The following DPYD variants were observed in gnomAD, a reference collection of about 807,000 sequenced individuals.
DPYD encodes the protein dihydropyrimidine dehydrogenase.
In DPYD, 109 loss-of-function variants were observed where a neutral mutation model predicts 116.2. The ratio of observed to expected loss-of-function variants is 0.94; its 90% confidence interval spans 0.80 to 1.10. The LOEUF (loss-of-function observed/expected upper bound fraction) is 1.10, where lower values mean the gene tolerates loss of function less well. Ranked by LOEUF, DPYD falls within the 50% of genes least tolerant of loss-of-function variation. The pLI is 0.00. For missense variants in DPYD, 1,302 were observed against 1,254.5 expected (o/e 1.04, Z -0.57); for synonymous variants, 440 against 432.0 (o/e 1.02, Z -0.23).
At chr1:97,163,138 A>C (rs536432423) in intron 20 of DPYD, among the ~76,000 whole-genome samples, 23 of 152,134 alleles carry the variant, frequency 1.5e-4, no homozygotes, top group Admixed American at 3.9e-4. Context: ...AATGGGATCT[A>C]ATTAAACTAA....
chr1:97,631,831 T>A (rs574775358), intron 8 of DPYD, among the ~76,000 whole-genome samples: 6 of 152,106 alleles, frequency 3.9e-5, no homozygotes, highest in Admixed American at 3.3e-4. Flanking sequence ...AGAGAAACCA[T>A]AACATTAAAC....
chr1:97,475,798 A>G (rs948164758), intron 13 of DPYD, among the ~76,000 whole-genome samples: 4 of 152,174 alleles, frequency 2.6e-5, no homozygotes, highest in South Asian at 2.1e-4. Context: ...CAGAGATGTG[A>G]AAGACTTGAC....
chr1:97,110,590 T>A (rs72965828), intron 20 of DPYD, among the ~76,000 whole-genome samples: 8,484 of 152,212 alleles, frequency 0.056, 578 homozygotes, highest in African/African-American at 0.17. Context: ...AACAAAACAA[T>A]TTCTGTGACC....
intron 18 of DPYD, among the ~76,000 whole-genome samples, chr1:97,298,790 G>T (rs1253222378): frequency 6.6e-6 from 1 of 151,958 alleles, no homozygotes; most frequent in East Asian, 1.9e-4. Flanking sequence ...TCACTGTTTG[G>T]TCTTCTCCCC....
rs1388466513 is a variant in DPYD at position 97,134,010 on chromosome 1, AAAAAATATATATATATATATAT to A, written c.2623-35400_2623-35379del. ...CCAGACTCTGTTTCAAAAAAAAAAAAAAAAATATATATATATATATATATATATATATATATATATATATATA... is the reference window on the plus strand; with the variant it reads ...CCAGACTCTGTTTCAAAAAAAAAAAAATATATATATATATATATATATATA... On this transcript the variant is annotated intron_variant, in intron 20 of 22. Coordinates refer to ENST00000370192, the MANE Select transcript of DPYD (RefSeq NM_000110.4). Among the ~76,000 whole-genome samples the A allele has an allele frequency of 1.4e-3, 53 of 36,956 alleles. 5 individuals carry two copies. The highest frequency in any genetic ancestry group is 2.0e-3 in the Non-Finnish European group (44 of 21,804). The allele number at this position is 36,956 out of a possible 152,430, so 24.2% of individuals were successfully genotyped here. A position where few individuals can be genotyped will look rare whatever the true frequency, so the allele number is the denominator to read the frequency against.
intron 19 of DPYD, among the ~76,000 whole-genome samples, chr1:97,195,719 T>C (rs1658759965): frequency 7.9e-6 from 1 of 126,504 alleles, no homozygotes; most frequent in South Asian, 2.6e-4. Flanking sequence ...GCAGTGGTAG[T>C]GATTCCATGA....
chr1:97,409,929 T>A (rs1026314270), intron 14 of DPYD, among the ~76,000 whole-genome samples: 4 of 151,950 alleles, frequency 2.6e-5, no homozygotes, highest in African/African-American at 9.7e-5. Flanking sequence ...AATACAAAAA[T>A]TAGCTGGGTA....
chr1:97,185,033 TCC>T (rs1657899663), intron 20 of DPYD, among the ~76,000 whole-genome samples: 1 of 152,182 alleles, frequency 6.6e-6, no homozygotes, highest in African/African-American at 2.4e-5. Context: ...TGTAGACGTT[TCC>T]TTCTATTAAT....
intron 16 of DPYD, among the ~76,000 whole-genome samples, chr1:97,352,504 C>T (rs897987691): frequency 6.6e-6 from 1 of 151,188 alleles, no homozygotes; most frequent in African/African-American, 2.4e-5. Context: ...AAAAATTTGT[C>T]ACTTTGGAAA....
At chr1:97,449,147 A>C (rs1342115763) in intron 14 of DPYD, among the ~76,000 whole-genome samples, 1 of 152,124 alleles carries the variant, frequency 6.6e-6, no homozygotes, top group Non-Finnish European at 1.5e-5. Flanking sequence ...AACATCCACC[A>C]ATTTCAATAG....
intron 21 of DPYD, among the ~76,000 whole-genome samples, chr1:97,084,979 G>A (rs1337088750): frequency 1.3e-5 from 2 of 152,106 alleles, no homozygotes; most frequent in African/African-American, 2.4e-5. Flanking sequence ...TAGGCACATA[G>A]TGGGATGAAG....
At chr1:97,521,176 C>T (rs777351668) in intron 12 of DPYD, among the ~76,000 whole-genome samples, 22 of 152,078 alleles carry the variant, frequency 1.4e-4, no homozygotes, top group Admixed American at 5.9e-4. Flanking sequence ...TGCTAACTGG[C>T]GTGAGATGGT....
intron 3 of DPYD, among the ~76,000 whole-genome samples, chr1:97,794,726 G>GA (rs1557967323): frequency 6.6e-6 from 1 of 151,958 alleles, no homozygotes; most frequent in African/African-American, 2.4e-5. Flanking sequence ...ATACTTTTCG[G>GA]AAAAAAGTCA....
intron 11 of DPYD, among the ~76,000 whole-genome samples, chr1:97,570,983 G>C (rs1050441086): frequency 2.0e-5 from 3 of 151,940 alleles, no homozygotes; most frequent in Non-Finnish European, 4.4e-5. Context: ...CTAGATTTAA[G>C]AGTCATTTTT....
intron 20 of DPYD, among the ~76,000 whole-genome samples, chr1:97,176,328 T>C (rs1033506370): frequency 6.6e-6 from 1 of 152,126 alleles, no homozygotes. Flanking sequence ...TGCCATGAAA[T>C]CTCTGGCTTG....
chr1:97,614,672 C>T (rs1414633085), intron 8 of DPYD, among the ~76,000 whole-genome samples: 1 of 152,012 alleles, frequency 6.6e-6, no homozygotes, highest in Admixed American at 6.6e-5. Context: ...ATACATCCTC[C>T]CCACCCATCA....
At chr1:97,132,869 C>G in intron 20 of DPYD, among the ~76,000 whole-genome samples, 1 of 152,116 alleles carries the variant, frequency 6.6e-6, no homozygotes, top group Non-Finnish European at 1.5e-5. Context: ...AATTCAAATA[C>G]TTTAAAGAAT....
chr1:97,518,543 C>G (rs1648400915), intron 12 of DPYD, among the ~76,000 whole-genome samples: 1 of 152,084 alleles, frequency 6.6e-6, no homozygotes, highest in Non-Finnish European at 1.5e-5. Context: ...ACCTCAATTG[C>G]AATCTCCAAA....
intron 16 of DPYD, among the ~76,000 whole-genome samples, chr1:97,313,009 T>C (rs1469165083): frequency 6.6e-6 from 1 of 151,948 alleles, no homozygotes; most frequent in Non-Finnish European, 1.5e-5. Flanking sequence ...CATGAGGCAC[T>C]ACAAATTTTC....
Sources: gnomAD v4.1 joint callset for allele counts (sites outside exome capture counted in the v4.1 genomes callset) on GRCh38, gnomAD v4.1.1 for gene constraint, MANE v1.5 for transcripts, NCBI Gene and HGNC (gene_info 2026-07-23, HGNC 2026-07-21) for gene names.